Variants in CFL1 observed in about 807,000 individuals in gnomAD.
CFL1 encodes the protein cofilin-1.
In CFL1, 2 loss-of-function variants were observed where a neutral mutation model predicts 16.3. The observed-to-expected ratio is 0.12, with a 90% CI of 0.05 to 0.39. The LOEUF (loss-of-function observed/expected upper bound fraction) is 0.39. CFL1 is among the 10% of genes least tolerant of loss of function. CFL1 has a pLI of 0.99. For synonymous variants in CFL1, 111 were observed against 84.4 expected (o/e 1.31, Z -1.73); for missense variants, 75 against 212.2 (o/e 0.35, Z 4.02).
Position 65,856,261 on chromosome 11 carries a change from A to G in CFL1, c.4-19T>C, listed in dbSNP as rs765200342. 1.6e-5 allele frequency: 25 copies of G among 1,604,738 alleles called. No individual in the cohort carries two copies. Among genetic ancestry groups the G allele is most frequent in the Non-Finnish European group, 2.0e-5 (23 of 1,173,246 alleles). On this transcript the variant is annotated intron_variant, in intron 1 of 3. Coordinates refer to ENST00000308162, the MANE Select transcript of CFL1 (RefSeq NM_005507.3). ...CGGAGGCCTAGGAGACATGCCACGTATACGTCAAGAAAAGGATTCTAGGGA... is the reference window on the plus strand; with the variant it reads ...CGGAGGCCTAGGAGACATGCCACGTGTACGTCAAGAAAAGGATTCTAGGGA...
At chr11:65,856,775 T>C (rs902345530) in intron 1 of CFL1, 11 of 155,726 alleles carry the variant, frequency 7.1e-5, no homozygotes. Flanking sequence ...AGCTAGGCTC[T>C]TTCCCAACCA....
rs1049325640 is a variant in CFL1, at chr11:65,858,023, C to T, written c.3+74G>A. On this transcript the variant is annotated intron_variant, in intron 1 of 3. Coordinates refer to ENST00000308162, the MANE Select transcript of CFL1 (RefSeq NM_005507.3). ...GCTGGGGGAGGGGGTGCGGACGTCG[C>T]TCCCCAGTCGCTTCCCGCGCGCAGG... is the stretch of plus-strand genomic sequence containing the variant. The T allele has an allele frequency of 3.2e-5, 48 of 1,477,022 alleles. No homozygotes were observed. In the African/African-American group the frequency reaches 5.7e-4, roughly 18 times the overall value. The allele number at this position is 1,477,022 out of a possible 1,614,324, so 91.5% of individuals were successfully genotyped here.
chr11:65,857,905 C>T, intron 1 of CFL1, 192 bp downstream of exon 1: 1 of 406,218 alleles, frequency 2.5e-6, no homozygotes, highest in Non-Finnish European at 4.2e-6. Flanking sequence ...GCGCGAGCGA[C>T]GTCCAGACCG....
Position 65,855,073 on chromosome 11 carries a change from T to TG in CFL1, c.*262dup. ...AATACAGGCTCCCCCACAACTGGGGTGCCTGGGGGGAACTTGGTCTGCTTC... is the reference window on the plus strand; with the variant it reads ...AATACAGGCTCCCCCACAACTGGGGTGGCCTGGGGGGAACTTGGTCTGCTTC... On this transcript the variant is annotated 3_prime_UTR_variant, in exon 4 of 4. Transcript: ENST00000308162. 2.3e-6 allele frequency: 1 copy of TG among 429,802 alleles called. No homozygotes were observed. The highest frequency in any genetic ancestry group is 2.7e-5 in the South Asian group (1 of 37,130). 26.6% of individuals were successfully genotyped at this position (429,802 alleles called of 1,614,324 possible).
chr11:65,856,015 A>G lies in CFL1; in HGVS notation c.231T>C (p.Asp77=), dbSNP rs1859379086. The change falls in exon 2 of 4, where the codon GAT becomes GAC. Residue 77 remains aspartate (D), a synonymous_variant. Coordinates refer to ENST00000308162, the MANE Select transcript of CFL1 (RefSeq NM_005507.3). ...CATAGAGGGCATAGCGGCAGTCCTT[A>G]TCTGGCAGCATCTTGACAAAGGTGG... ...PYATFVKMLP[D]KDCRYALYDA... 6.2e-7 allele frequency: 1 copy of G among 1,614,024 alleles called. No homozygotes were observed.
chr11:65,855,816 T>A, intron 2 of CFL1, 86 bp from the exon 3 acceptor site: 1 of 1,500,422 alleles, frequency 6.7e-7, no homozygotes, highest in Non-Finnish European at 9.0e-7. Flanking sequence ...CAGTGAGGAG[T>A]CTTTTGTTAC....
rs767107042 is a variant in CFL1, at chr11:65,855,417, G to A, written c.420C>T (p.Tyr140=). Residue 140 remains tyrosine (Y), a synonymous_variant, in exon 4 of 4, where the codon TAC becomes TAT. Transcript: ENST00000308162. ...GIKHELQANC[Y]EEVKDRCTLA... is the part of the protein sequence containing the mutation. Reference sequence around the variant, plus strand: ...GGGTGCAGCGGTCCTTGACCTCCTCGTAGCAGTTTGCTTGCAATTCATGCT... The same window carrying A: ...GGGTGCAGCGGTCCTTGACCTCCTCATAGCAGTTTGCTTGCAATTCATGCT... The A allele has an allele frequency of 7.4e-6, 12 of 1,613,340 alleles. No homozygotes were observed. Among genetic ancestry groups the A allele is most frequent in the South Asian group, 2.2e-5 (2 of 91,070 alleles).
rs1157685279 is a variant in CFL1, at chr11:65,854,989, G to C, written c.*347C>G. 1.9e-5 allele frequency: 6 copies of C among 312,626 alleles called. No homozygotes were observed. In the Admixed American group the frequency reaches 2.6e-4, roughly 14 times the overall value. 19.4% of individuals were successfully genotyped at this position (312,626 alleles called of 1,614,324 possible). A position where few individuals can be genotyped will look rare whatever the true frequency, so the allele number is the denominator to read the frequency against. On this transcript the variant is annotated 3_prime_UTR_variant, in exon 4 of 4. Transcript: ENST00000308162. ...AAGCACAGAGTCACTATTGCGGTTA[G>C]AAGTTGGCAGCATGGGAAGGGGGAG...
chr11:65,855,789 A>G (rs1487602709), intron 2 of CFL1, 59 bp from the exon 3 acceptor site: 4 of 1,514,940 alleles, frequency 2.6e-6, no homozygotes, highest in Middle Eastern at 1.8e-4. Context: ...GGTGACTTTG[A>G]GAAACCCTTG....
At chr11:65,855,751 G>A in intron 2 of CFL1, 21 bp from the exon 3 acceptor site, 3 of 1,529,548 alleles carry the variant, frequency 2.0e-6, no homozygotes, top group East Asian at 2.3e-5. Flanking sequence ...ACACGCGTCA[G>A]GCAACTCCCA....
At chr11:65,855,508 G>A (rs1373719838) in intron 3 of CFL1, 60 bp from the exon 4 acceptor site, 6 of 1,583,476 alleles carry the variant, frequency 3.8e-6, no homozygotes, top group Non-Finnish European at 5.2e-6. Flanking sequence ...GGTAGTTTCT[G>A]TGGCTGGGAA....
rs889614461 is a variant in CFL1, at chr11:65,858,157, G to A, written c.-58C>T. On this transcript the variant is annotated 5_prime_UTR_variant, in exon 1 of 4. Coordinates refer to ENST00000308162, the MANE Select transcript of CFL1 (RefSeq NM_005507.3). ...AGCCGCAGAAGACGAGAGCGCTGCA[G>A]CCGCTGCCGGGACCCGACTGAACGC... 177 of 1,510,082 alleles carry A rather than the reference G, an allele frequency of 1.2e-4. No individual in the cohort carries two copies. Among genetic ancestry groups the A allele is most frequent in the Non-Finnish European group, 1.5e-4 (171 of 1,127,872 alleles). The allele number at this position is 1,510,082 out of a possible 1,614,324, so 93.5% of individuals were successfully genotyped here.
At chr11:65,857,199 G>A in intron 1 of CFL1, 1 of 224,974 alleles carries the variant, frequency 4.4e-6, no homozygotes, top group South Asian at 3.4e-5. Context: ...GCAGGCAGGA[G>A]CCTGGGCAAG....
chr11:65,855,221 C>T lies in CFL1; in HGVS notation c.*115G>A. 2.5e-6 allele frequency: 2 copies of T among 799,052 alleles called. No individual in the cohort carries two copies. The highest frequency in any genetic ancestry group is 2.1e-6 in the Non-Finnish European group (1 of 480,836). 49.5% of individuals were successfully genotyped at this position (799,052 alleles called of 1,614,324 possible). A position where few individuals can be genotyped will look rare whatever the true frequency, so the allele number is the denominator to read the frequency against. ...TGGCAACTGGGGTGAAGGGATTGCC[C>T]TCCCCCTGCTGGGATCCCCCCAGCC... On this transcript the variant is annotated 3_prime_UTR_variant, in exon 4 of 4. Transcript: ENST00000308162.
In CFL1 at chr11:65,857,819, G is replaced by C. The variant is rs1157457939; in HGVS notation, c.3+278C>G. ...CGTTCCGCGAGGGGCGCCCCAGCGCGCGCCCCGAACCCCTCCCCCCGCGGC... is the reference window on the plus strand; with the variant it reads ...CGTTCCGCGAGGGGCGCCCCAGCGCCCGCCCCGAACCCCTCCCCCCGCGGC... On this transcript the variant is annotated intron_variant, in intron 1 of 3. Coordinates refer to ENST00000308162, the MANE Select transcript of CFL1 (RefSeq NM_005507.3). The C allele has an allele frequency of 2.0e-5, 5 of 245,314 alleles. No individual in the cohort carries two copies. In the Admixed American group the frequency reaches 2.8e-4, roughly 14 times the overall value. The allele number at this position is 245,314 out of a possible 1,614,324, so 15.2% of individuals were successfully genotyped here. A position where few individuals can be genotyped will look rare whatever the true frequency, so the allele number is the denominator to read the frequency against.
At chr11:65,855,594 AC>A in intron 3 of CFL1, 59 bp downstream of exon 3, 1 of 1,552,126 alleles carries the variant, frequency 6.4e-7, no homozygotes, top group Non-Finnish European at 8.8e-7. Flanking sequence ...CGTGCCATTC[AC>A]CCTGCCCTGC....
intron 1 of CFL1, chr11:65,857,310 C>A: frequency 3.1e-6 from 1 of 326,542 alleles, no homozygotes; most frequent in South Asian, 2.0e-5. Flanking sequence ...CTCGGCTCCA[C>A]CCTCACTCAG....
In CFL1 at chr11:65,858,155, C is replaced by G; in HGVS notation, c.-56G>C. ...AGAGCCGCAGAAGACGAGAGCGCTG[C>G]AGCCGCTGCCGGGACCCGACTGAAC... On this transcript the variant is annotated 5_prime_UTR_variant, in exon 1 of 4. Transcript: ENST00000308162. 1 of 1,511,190 alleles carries G rather than the reference C, an allele frequency of 6.6e-7. No homozygotes were observed. The allele number at this position is 1,511,190 out of a possible 1,614,324, so 93.6% of individuals were successfully genotyped here. A position where few individuals can be genotyped will look rare whatever the true frequency, so the allele number is the denominator to read the frequency against.
chr11:65,857,485 G>A (rs534532658), intron 1 of CFL1: 5 of 394,592 alleles, frequency 1.3e-5, no homozygotes, highest in Admixed American at 5.2e-5. Flanking sequence ...TCTCTGCGAT[G>A]CCCCCTCCAA....
Sources: gnomAD v4.1 joint callset for allele counts on GRCh38, gnomAD v4.1.1 for gene constraint, MANE v1.5 for transcripts, NCBI Gene and HGNC (gene_info 2026-07-23, HGNC 2026-07-21) for gene names.